The following RABL6 variants were observed in gnomAD, a reference collection of about 807,000 sequenced individuals.
The protein encoded by RABL6 is RAB, member RAS oncogene family like 6.
A neutral mutation model predicts 72.9 loss-of-function variants in RABL6; 28 were observed. That is an observed-to-expected ratio of 0.38 (90% CI 0.28 to 0.53). The LOEUF is 0.53. Among genes scored for constraint, RABL6 ranks in the 20% least tolerant of loss-of-function variants. RABL6 has a pLI of 0.80. For synonymous variants in RABL6, 477 were observed against 421.2 expected (o/e 1.13, Z -1.62); for missense variants, 1,029 against 1,008.4 (o/e 1.02, Z -0.28).
chr9:136,814,007 CT>C, intron 1 of RABL6: 6 of 410,338 alleles, frequency 1.5e-5, no homozygotes, highest in Admixed American at 3.3e-5. Flanking sequence ...TTCTTACTGT[CT>C]TTTCCTTTTG....
At position 136,818,449 on chromosome 9, in the gene RABL6, A is replaced by G. The variant is rs115401766; in HGVS notation, c.131-5076A>G. 3.7e-3 allele frequency among the ~76,000 whole-genome samples: 551 copies of G among 147,956 alleles called. 12 individuals carry two copies. Among genetic ancestry groups the G allele is most frequent in the African/African-American group, 0.013 (509 of 38,986 alleles). ...CTGGTAAATATGTGGTGAAAATGAA[A>G]TAAGTGTTGGTGGGTCAGGTGCGGT... On this transcript the variant is annotated intron_variant, in intron 1 of 14. Transcript: ENST00000311502.
Position 136,840,835 on chromosome 9 carries a change from T to C in RABL6, c.*313T>C. On this transcript the variant is annotated 3_prime_UTR_variant, in exon 15 of 15. Coordinates refer to ENST00000311502, the MANE Select transcript of RABL6 (RefSeq NM_024718.5). ...GTGACTGAGGCCCAGGAGGGACCTG[T>C]GAGGGTCTGTTTACAGAGGCTGGGC... The C allele has an allele frequency of 6.5e-7, 1 of 1,545,998 alleles. No individual in the cohort carries two copies. The highest frequency in any genetic ancestry group is 8.7e-7 in the Non-Finnish European group (1 of 1,146,242).
rs758359452 is a variant in RABL6 at position 136,839,234 on chromosome 9, A to G, written c.1506A>G (p.Pro502=). The G allele has an allele frequency of 4.7e-5, 75 of 1,599,566 alleles. No individual in the cohort carries two copies. In the South Asian group the frequency reaches 7.9e-4, roughly 17 times the overall value. The change falls in exon 12 of 15, where the codon CCA becomes CCG. Residue 502 remains proline (P), a synonymous_variant. Coordinates refer to ENST00000311502, the MANE Select transcript of RABL6 (RefSeq NM_024718.5). ...SEPETKWSSI[P]ASKPRRGTAP... ...CTTGTCCACAAAGGTCCTCCATACC[A>G]GCTTCGAAGCCACGGAGGGGGACAG...
intron 1 of RABL6, chr9:136,808,751 C>G (rs549488592): frequency 3.7e-4 from 56 of 152,876 alleles, no homozygotes; most frequent in African/African-American, 1.3e-3. Context: ...GGGAACCCAG[C>G]CGGCCTTGGC....
chr9:136,840,295 A>C, intron 14 of RABL6, 27 bp from the exon 15 acceptor site: 2 of 1,606,670 alleles, frequency 1.2e-6, no homozygotes, highest in South Asian at 2.2e-5. Flanking sequence ...CTGTGACTCC[A>C]TGGCGCCCCA....
intron 6 of RABL6, 191 bp from the exon 7 acceptor site, chr9:136,832,074 C>T: frequency 1.1e-6 from 1 of 927,554 alleles, no homozygotes; most frequent in Non-Finnish European, 1.6e-6. Flanking sequence ...GGGTGAAGTG[C>T]TGGCACTGTG....
intron 5 of RABL6, among the ~76,000 whole-genome samples, chr9:136,830,740 G>C (rs1848455797): frequency 1.3e-5 from 2 of 152,226 alleles, no homozygotes; most frequent in South Asian, 4.1e-4. Context: ...GGAGTGGGCG[G>C]GAGTGACAGC....
intron 1 of RABL6, chr9:136,809,501 G>T: frequency 3.9e-6 from 1 of 256,704 alleles, no homozygotes. Flanking sequence ...TCCGGGCCGG[G>T]CACGGTGGCT....
rs776423138 is a variant in RABL6, at chr9:136,840,208, A to G, written c.1985A>G (p.Lys662Arg). ...KEKKKKKKKG[K>R]EEEEKAAKKK... The stretch of plus-strand genomic sequence containing the variant: ...AAGAAGAAGAAGAAGAAAAAAGGCA[A>G]AGAGGTACTGGCTACTCCCCTTCCT... Residue 662 changes from lysine to arginine, a missense_variant, in exon 14 of 15, where the codon AAA becomes AGA. Transcript: ENST00000311502. 6.8e-6 allele frequency: 11 copies of G among 1,612,776 alleles called. No individual in the cohort carries two copies. Among genetic ancestry groups the G allele is most frequent in the Non-Finnish European group, 9.3e-6 (11 of 1,179,792 alleles).
chr9:136,840,512 A>AG lies in RABL6; in HGVS notation c.2182dup (p.Glu728GlyfsTer152). 6.5e-7 allele frequency: 1 copy of AG among 1,528,156 alleles called. No individual in the cohort carries two copies. Among genetic ancestry groups the AG allele is most frequent in the Non-Finnish European group, 8.8e-7 (1 of 1,138,496 alleles). 94.7% of individuals were successfully genotyped at this position (1,528,156 alleles called of 1,614,324 possible). On this transcript the variant is annotated frameshift_variant, in exon 15 of 15. Coordinates refer to ENST00000311502, the MANE Select transcript of RABL6 (RefSeq NM_024718.5). LOFTEE classifies it high-confidence loss of function. Reference sequence around the variant, plus strand: ...CGCCACCCTGGGGGTGGCGACTACGAGGAGCTCTAGGCCGGCGTGGGCAGT... The same window carrying AG: ...CGCCACCCTGGGGGTGGCGACTACGAGGGAGCTCTAGGCCGGCGTGGGCAGT...
intron 5 of RABL6, among the ~76,000 whole-genome samples, chr9:136,830,670 TC>T (rs1182669123): frequency 6.6e-6 from 1 of 152,230 alleles, no homozygotes; most frequent in Non-Finnish European, 1.5e-5. Flanking sequence ...CCACGGCACC[TC>T]CCACTGCTGC....
intron 1 of RABL6, 22 bp from the exon 2 acceptor site, chr9:136,823,499 TTTTC>T (rs1430595556): frequency 1.2e-6 from 2 of 1,612,042 alleles, no homozygotes; most frequent in Non-Finnish European, 1.7e-6. Context: ...TTAATTTGCC[TTTTC>T]TTTTTCTCTT....
chr9:136,837,637 C>T lies in RABL6; in HGVS notation c.1101C>T (p.Ala367=). The T allele has an allele frequency of 2.5e-6, 4 of 1,595,606 alleles. No homozygotes were observed. The South Asian group carries it at 3.4e-5, about 14-fold the overall frequency. The change falls in exon 9 of 15, where the codon GCC becomes GCT. Residue 367 remains alanine (A), a synonymous_variant. Coordinates refer to ENST00000311502, the MANE Select transcript of RABL6 (RefSeq NM_024718.5). ...CTAGGCTGTTTGGGACGTCACCTGC[C>T]ACCGAGGCAGCCCCTCCACCTCCAG... ...IISRLFGTSP[A]TEAAPPPPEP...
intron 1 of RABL6, among the ~76,000 whole-genome samples, chr9:136,817,305 C>T (rs544317523): frequency 6.6e-6 from 1 of 152,196 alleles, no homozygotes; most frequent in South Asian, 2.1e-4. Flanking sequence ...GAGGACTTTC[C>T]AGAGTTCATG....
rs191187581 is a variant in RABL6, at chr9:136,839,505, G to A, written c.1758+19G>A. The A allele has an allele frequency of 6.3e-7, 1 of 1,598,432 alleles. No individual in the cohort carries two copies. Among genetic ancestry groups the A allele is most frequent in the Non-Finnish European group, 8.5e-7 (1 of 1,170,200 alleles). ...CAGGGCGGTAAGACGAGTCCTCCCG[G>A]GGCAGAGGTCAGCCAGGTGGCCAGG... is the stretch of plus-strand genomic sequence containing the variant. On this transcript the variant is annotated intron_variant, in intron 12 of 14. Coordinates refer to ENST00000311502, the MANE Select transcript of RABL6 (RefSeq NM_024718.5).
intron 5 of RABL6, 81 bp from the exon 6 acceptor site, chr9:136,831,640 C>G: frequency 6.3e-7 from 1 of 1,578,172 alleles, no homozygotes; most frequent in East Asian, 2.3e-5. Context: ...CATCCTCGGG[C>G]CTGGGCGCAC....
rs751835808 is a variant in RABL6 at position 136,837,969 on chromosome 9, G to C, written c.1234G>C (p.Asp412His). 6.4e-7 allele frequency: 1 copy of C among 1,569,262 alleles called. No homozygotes were observed. Among genetic ancestry groups the C allele is most frequent in the East Asian group, 2.4e-5 (1 of 42,304 alleles). ...CCTGGAAGACACAACCCCCGCCAGG[G>C]ACGAGAAGAAGGTGGGGGCCAAGGC... The part of the protein sequence containing the change: ...SFLEDTTPAR[D>H]EKKVGAKAAQ... Residue 412 changes from aspartate to histidine, a missense_variant, in exon 10 of 15, where the codon GAC becomes CAC. Physicochemically the swap from Asp to His is moderately conservative, Grantham distance 81. Around this residue, in one of 2 missense-constraint regions of RABL6, gnomAD observed 595 missense variants for 472.4 expected, o/e 1.26. Coordinates refer to ENST00000311502, the MANE Select transcript of RABL6 (RefSeq NM_024718.5).
intron 1 of RABL6, among the ~76,000 whole-genome samples, chr9:136,816,035 T>C (rs1848113017): frequency 8.6e-5 from 13 of 151,716 alleles, no homozygotes. Flanking sequence ...CAGCCAACAT[T>C]TAAGATTCTG....
rs1333942465 is a variant in RABL6, at chr9:136,808,049, G to A, written c.-148G>A. On this transcript the variant is annotated 5_prime_UTR_variant, in exon 1 of 15. Transcript: ENST00000311502. The stretch of plus-strand genomic sequence containing the variant: ...TTCCCGAGTCGCCGCTCGGGGCTGC[G>A]CTCCGCCGCCGGGACCCCGGCCTCT... 17 of 1,090,634 alleles carry A rather than the reference G, an allele frequency of 1.6e-5. No homozygotes were observed. In the East Asian group the frequency reaches 8.5e-4, roughly 54 times the overall value. The allele number at this position is 1,090,634 out of a possible 1,614,324, so 67.6% of individuals were successfully genotyped here. A position where few individuals can be genotyped will look rare whatever the true frequency, so the allele number is the denominator to read the frequency against.
Sources: gnomAD v4.1 joint callset for allele counts (sites outside exome capture counted in the v4.1 genomes callset) on GRCh38, gnomAD v4.1.1 for gene constraint, gnomAD v4.1.1 regional missense constraint, MANE v1.5 for transcripts, NCBI Gene and HGNC (gene_info 2026-07-23, HGNC 2026-07-21) for gene names.